MCCC1: variants seen among roughly 807,000 people sequenced by gnomAD.
The protein encoded by MCCC1 is methylcrotonoyl-CoA carboxylase subunit alpha, mitochondrial.
A neutral mutation model predicts 83.8 loss-of-function variants in MCCC1; 64 were observed. The ratio of observed to expected loss-of-function variants is 0.76; its 90% CI spans 0.62 to 0.94. MCCC1 has a LOEUF of 0.94. Among genes scored for constraint, MCCC1 ranks in the 40% least tolerant of loss-of-function variants. MCCC1 has a pLI of 0.00. For synonymous variants in MCCC1, 322 were observed against 315.4 expected (o/e 1.02, Z -0.22); for missense variants, 807 against 904.7 (o/e 0.89, Z 1.39).
chr3:183,055,575 G>A (rs1005709648), intron 8 of MCCC1, among the ~76,000 whole-genome samples: 1 of 152,088 alleles, frequency 6.6e-6, no homozygotes, highest in Admixed American at 6.6e-5. Flanking sequence ...CTACATGACA[G>A]CTTTCATAAC....
intron 12 of MCCC1, among the ~76,000 whole-genome samples, chr3:183,038,414 G>A (rs921778615): frequency 1.3e-5 from 2 of 152,028 alleles, no homozygotes; most frequent in African/African-American, 4.8e-5. Context: ...GCGGTGAGGC[G>A]GCCAGTGTGG....
chr3:183,062,420 T>C (rs1560247202), intron 7 of MCCC1, among the ~76,000 whole-genome samples: 1 of 145,476 alleles, frequency 6.9e-6, no homozygotes, highest in African/African-American at 2.5e-5. Flanking sequence ...AGTGGTGCAA[T>C]CTCAGCTCAC....
intron 12 of MCCC1, among the ~76,000 whole-genome samples, chr3:183,038,008 T>C (rs1023720353): frequency 6.6e-6 from 1 of 152,210 alleles, no homozygotes; most frequent in African/African-American, 2.4e-5. Flanking sequence ...ATCTGAGCTT[T>C]GGGTTCATTC....
At chr3:183,080,786 A>G (rs976406714) in intron 4 of MCCC1, among the ~76,000 whole-genome samples, 2 of 152,206 alleles carry the variant, frequency 1.3e-5, no homozygotes, top group Non-Finnish European at 2.9e-5. Context: ...AGGCCTCACA[A>G]TCATGGTGGA....
At chr3:183,090,717 G>A (rs148221224) in intron 3 of MCCC1, among the ~76,000 whole-genome samples, 1,915 of 152,128 alleles carry the variant, frequency 0.013, 17 homozygotes, top group South Asian at 0.022. Flanking sequence ...AGCCTCCCGA[G>A]TAGCTGGGAT....
At chr3:183,056,366 T>C (rs912297717) in intron 8 of MCCC1, among the ~76,000 whole-genome samples, 11 of 152,296 alleles carry the variant, frequency 7.2e-5, no homozygotes, top group African/African-American at 2.4e-4. Flanking sequence ...AAAAAATCTA[T>C]ATAACGTTGA....
intron 4 of MCCC1, among the ~76,000 whole-genome samples, chr3:183,086,452 T>A (rs1041540962): frequency 2.0e-5 from 3 of 152,200 alleles, no homozygotes; most frequent in Non-Finnish European, 4.4e-5. Flanking sequence ...CTCCTAATTT[T>A]AACTTGTAAT....
chr3:183,112,931 T>TA (rs962343207), intron 1 of MCCC1, among the ~76,000 whole-genome samples: 59 of 146,878 alleles, frequency 4.0e-4, no homozygotes, highest in Non-Finnish European at 5.9e-4. Flanking sequence ...AAATAAAAAA[T>TA]AAAAAAAAAA....
At chr3:183,114,486 T>G (rs1719556451) in intron 1 of MCCC1, among the ~76,000 whole-genome samples, 1 of 152,158 alleles carries the variant, frequency 6.6e-6, no homozygotes, top group African/African-American at 2.4e-5. Context: ...GTGTCAGAAT[T>G]GAATTGAAGG....
chr3:183,087,616 C>A (rs1577353926), intron 3 of MCCC1, among the ~76,000 whole-genome samples: 1 of 152,214 alleles, frequency 6.6e-6, no homozygotes, highest in Non-Finnish European at 1.5e-5. Context: ...TGGCTCACGC[C>A]TGTAATCCCA....
At chr3:183,107,539 T>TATTA (rs1491244816) in intron 1 of MCCC1, among the ~76,000 whole-genome samples, 5 of 149,600 alleles carry the variant, frequency 3.3e-5, no homozygotes, top group African/African-American at 1.0e-4. Context: ...TATTATTTGT[T>TATTA]GTTGTTGTTG....
rs2108479414 is a variant in MCCC1, at chr3:183,041,711, T to C, written c.1123A>G (p.Ile375Val). ...GEKIPLSQEE[I>V]TLQGHAFEAR... is the part of the protein sequence containing the mutation. ...TCGAAGGCATGGCCCTGCAGAGTTATTTCTTCCTGGCTCAAAGGAATCTTC... is the reference window on the plus strand; with the variant it reads ...TCGAAGGCATGGCCCTGCAGAGTTACTTCTTCCTGGCTCAAAGGAATCTTC... The change falls in exon 11 of 19, where the codon ATA becomes GTA. Residue 375 changes from isoleucine (I) to valine (V), a missense_variant. Physicochemically the swap from Ile to Val is conservative, Grantham distance 29 (BLOSUM62 3). Transcript: ENST00000265594. 1 of 1,614,216 alleles carries C rather than the reference T, an allele frequency of 6.2e-7. No individual in the cohort carries two copies. Among genetic ancestry groups the C allele is most frequent in the East Asian group, 2.2e-5 (1 of 44,874 alleles).
intron 1 of MCCC1, among the ~76,000 whole-genome samples, chr3:183,114,594 T>C (rs775119041): frequency 6.6e-6 from 1 of 152,162 alleles, no homozygotes; most frequent in African/African-American, 2.4e-5. Context: ...CTGTGTTGAT[T>C]GTTATGGTGT....
intron 4 of MCCC1, among the ~76,000 whole-genome samples, chr3:183,082,084 C>T (rs962155904): frequency 6.6e-6 from 1 of 152,220 alleles, no homozygotes; most frequent in African/African-American, 2.4e-5. Flanking sequence ...ACCATATTCA[C>T]CTGCCTACGG....
chr3:183,020,094 T>C, intron 17 of MCCC1, 36 bp downstream of exon 17: 1 of 1,516,040 alleles, frequency 6.6e-7, no homozygotes, highest in Non-Finnish European at 9.2e-7. Flanking sequence ...GTATTAAAAC[T>C]TACTGAACAT....
intron 1 of MCCC1, among the ~76,000 whole-genome samples, chr3:183,114,578 A>C (rs1400438128): frequency 6.6e-6 from 1 of 152,130 alleles, no homozygotes; most frequent in African/African-American, 2.4e-5. Flanking sequence ...TGATCACAGC[A>C]GTTTTCTGTG....
chr3:183,071,396 A>G, intron 5 of MCCC1, 39 bp from the exon 6 acceptor site: 1 of 1,614,028 alleles, frequency 6.2e-7, no homozygotes, highest in African/African-American at 1.3e-5. Context: ...CCCAAATTCT[A>G]CAAATTATTT....
At chr3:183,027,041 AT>A (rs1424638115) in intron 14 of MCCC1, among the ~76,000 whole-genome samples, 1 of 152,202 alleles carries the variant, frequency 6.6e-6, no homozygotes, top group Non-Finnish European at 1.5e-5. Context: ...TCGTGTCTCT[AT>A]GTCACATTTT....
At chr3:183,055,717 A>G (rs1223038821) in intron 8 of MCCC1, among the ~76,000 whole-genome samples, 1 of 151,986 alleles carries the variant, frequency 6.6e-6, no homozygotes, top group African/African-American at 2.4e-5. Context: ...TCAACACAGT[A>G]AGACCCCATC....
Sources: allele counts gnomAD v4.1 joint callset (sites outside exome capture counted in the v4.1 genomes callset), GRCh38; gene constraint gnomAD v4.1.1; transcripts MANE v1.5; gene names NCBI Gene and HGNC (gene_info 2026-07-23, HGNC 2026-07-21).